DGKI: variants seen among roughly 807,000 people sequenced by gnomAD.
DGKI encodes DAG kinase iota.
In DGKI, 55 loss-of-function variants were observed where a neutral mutation model predicts 147.5. The ratio of observed to expected loss-of-function variants is 0.37; its 90% CI spans 0.30 to 0.47. The LOEUF is 0.47. Ranked by LOEUF, DGKI falls within the 20% of genes least tolerant of loss-of-function variation. The probability of loss-of-function intolerance (pLI) is 1.00; values close to 1 mark genes in which losing one functional copy is unlikely to be tolerated. For synonymous variants in DGKI, 469 were observed against 477.1 expected (o/e 0.98, Z 0.22); for missense variants, 1,007 against 1,323.8 (o/e 0.76, Z 3.71).
At chr7:137,587,960 GA>G (rs1197601166) in intron 12 of DGKI, among the ~76,000 whole-genome samples, 2 of 152,024 alleles carry the variant, frequency 1.3e-5, no homozygotes, top group African/African-American at 4.8e-5. Context: ...TAACTAATTA[GA>G]AAAATTGACC....
At chr7:137,661,794 G>A (rs903933890) in intron 3 of DGKI, among the ~76,000 whole-genome samples, 26 of 152,156 alleles carry the variant, frequency 1.7e-4, no homozygotes, top group African/African-American at 6.3e-4. Flanking sequence ...AGCCCAGGCA[G>A]GACTGTCCTC....
intron 21 of DGKI, among the ~76,000 whole-genome samples, 185 bp downstream of exon 21, chr7:137,521,681 T>C (rs1563066418): frequency 6.6e-6 from 1 of 152,142 alleles, no homozygotes; most frequent in Admixed American, 6.6e-5. Context: ...GCTTTCCTTT[T>C]CCAGTTCCTT....
At chr7:137,757,426 T>A (rs548193795) in intron 1 of DGKI, among the ~76,000 whole-genome samples, 1 of 152,322 alleles carries the variant, frequency 6.6e-6, no homozygotes, top group East Asian at 1.9e-4. Flanking sequence ...TTCTTAACCG[T>A]TGGTGTCAGC....
intron 3 of DGKI, among the ~76,000 whole-genome samples, chr7:137,674,865 T>C (rs1342026461): frequency 1.3e-5 from 2 of 152,148 alleles, no homozygotes; most frequent in African/African-American, 4.8e-5. Context: ...TTCTCTTAAC[T>C]TCTACTTGTG....
chr7:137,677,153 T>C (rs1026842979), intron 3 of DGKI, among the ~76,000 whole-genome samples: 1 of 152,228 alleles, frequency 6.6e-6, no homozygotes, highest in Non-Finnish European at 1.5e-5. Flanking sequence ...AATTATACTT[T>C]AATTAAAAAT....
At chr7:137,603,272 T>C (rs1350348965) in intron 10 of DGKI, among the ~76,000 whole-genome samples, 2 of 152,152 alleles carry the variant, frequency 1.3e-5, no homozygotes, top group East Asian at 1.9e-4. Context: ...TCGGTTCAAA[T>C]AGCTCATCAA....
chr7:137,798,963 T>TA, intron 1 of DGKI, among the ~76,000 whole-genome samples: 1 of 152,218 alleles, frequency 6.6e-6, no homozygotes, highest in African/African-American at 2.4e-5. Flanking sequence ...TGTCCATGAT[T>TA]AAAAACCACT....
At chr7:137,805,029 T>C (rs1797323696) in intron 1 of DGKI, among the ~76,000 whole-genome samples, 1 of 152,224 alleles carries the variant, frequency 6.6e-6, no homozygotes, top group South Asian at 2.1e-4. Context: ...CCTACTTGTT[T>C]ATACATCCCT....
At position 137,486,722 on chromosome 7, in the gene DGKI, G is replaced by T. The variant is rs147229427; in HGVS notation, c.2328+888C>A. 2.8e-3 allele frequency among the ~76,000 whole-genome samples: 429 copies of T among 152,084 alleles called. 3 individuals carry two copies. The highest frequency in any genetic ancestry group is 0.01 in the African/African-American group (420 of 41,494). On this transcript the variant is annotated intron_variant, in intron 22 of 32. Transcript: ENST00000614521. The stretch of plus-strand genomic sequence containing the variant: ...AAGAGAAACAGAATCAAATATTCAG[G>T]GTGAAGTGGTTACAACTCAGAGGGA...
intron 1 of DGKI, among the ~76,000 whole-genome samples, chr7:137,797,171 G>A (rs1234854715): frequency 6.6e-6 from 1 of 152,174 alleles, no homozygotes; most frequent in Non-Finnish European, 1.5e-5. Flanking sequence ...GGTAGAAAGG[G>A]ACTGTCAGCA....
In DGKI at chr7:137,618,151, A is replaced by ATATTTTTTTT; in HGVS notation, c.993+1672_993+1673insAAAAAAAATA. ...ACTATATATATATATATATATATAT[A>ATATTTTTTTT]TTTTTTTTTTTTTACTCTATCATTC... On this transcript the variant is annotated intron_variant, in intron 8 of 32. Transcript: ENST00000614521. Among the ~76,000 whole-genome samples the ATATTTTTTTT allele has an allele frequency of 1.1e-3, 11 of 10,466 alleles. 1 individual carries two copies. Among genetic ancestry groups the ATATTTTTTTT allele is most frequent in the Non-Finnish European group, 1.8e-3 (3 of 1,648 alleles). 6.9% of individuals were successfully genotyped at this position (10,466 alleles called of 152,430 possible). A position where few individuals can be genotyped will look rare whatever the true frequency, so the allele number is the denominator to read the frequency against.
At chr7:137,402,067 C>T (rs541089394) in intron 30 of DGKI, among the ~76,000 whole-genome samples, 16 of 152,100 alleles carry the variant, frequency 1.1e-4, no homozygotes, top group African/African-American at 2.2e-4. Flanking sequence ...ACCTGTCAAA[C>T]GGAGATGAGA....
chr7:137,538,375 C>T (rs779592433), intron 20 of DGKI, among the ~76,000 whole-genome samples: 1 of 152,158 alleles, frequency 6.6e-6, no homozygotes, highest in Admixed American at 6.5e-5. Flanking sequence ...CTTCATTTAT[C>T]ACAAGGAATT....
At position 137,466,000 on chromosome 7, in the gene DGKI, A is replaced by G. The variant is rs768894127; in HGVS notation, c.2520T>C (p.Asp840=). ...HLHFVMEISQ[D]EIFILDPDMV... ...TATCTGGGTCCAGAATAAAAATCTC[A>G]TCTTGGGAAATCTCCATCACAAAGT... Residue 840 remains aspartate (D), a synonymous_variant, in exon 26 of 33, where the codon GAT becomes GAC. Coordinates refer to ENST00000614521, the MANE Select transcript of DGKI (RefSeq NM_001321708.2). The G allele has an allele frequency of 2.7e-5, 43 of 1,608,172 alleles. No individual in the cohort carries two copies. Among genetic ancestry groups the G allele is most frequent in the Admixed American group, 6.7e-5 (4 of 59,930 alleles).
At chr7:137,657,117 T>C (rs1488637639) in intron 3 of DGKI, among the ~76,000 whole-genome samples, 3 of 152,188 alleles carry the variant, frequency 2.0e-5, no homozygotes. Context: ...AAGTTCAGCT[T>C]TTACGCCCAG....
rs1811198344 is a variant in DGKI at position 137,387,113 on chromosome 7, C to T, written c.*4107G>A. On this transcript the variant is annotated 3_prime_UTR_variant, in exon 33 of 33. Coordinates refer to ENST00000614521, the MANE Select transcript of DGKI (RefSeq NM_001321708.2). ...TGAAGTTACACCTTCCCGGAAGTAG[C>T]CTGCCCTAATTAAATATCACTAGGC... 6.6e-6 allele frequency: 1 copy of T among 152,092 alleles called. No individual in the cohort carries two copies. The highest frequency in any genetic ancestry group is 2.4e-5 in the African/African-American group (1 of 41,420). The allele number at this position is 152,092 out of a possible 1,614,324, so 9.4% of individuals were successfully genotyped here.
chr7:137,499,362 C>G (rs558500106), intron 21 of DGKI, among the ~76,000 whole-genome samples: 1 of 152,194 alleles, frequency 6.6e-6, no homozygotes, highest in South Asian at 2.1e-4. Flanking sequence ...GTCAACTTGA[C>G]TTGGCTAAGG....
intron 20 of DGKI, among the ~76,000 whole-genome samples, chr7:137,522,823 C>T (rs1817009813): frequency 6.6e-6 from 1 of 152,110 alleles, no homozygotes; most frequent in East Asian, 1.9e-4. Flanking sequence ...TGGGTCAATA[C>T]ATTTCTTCAA....
At chr7:137,722,807 T>C (rs191454190) in intron 1 of DGKI, 3 of 1,291,424 alleles carry the variant, frequency 2.3e-6, no homozygotes, top group African/African-American at 2.9e-5. Context: ...CTGTGATCTG[T>C]GGTTGCCCTG....
Sources: gnomAD v4.1 joint callset for allele counts (sites outside exome capture counted in the v4.1 genomes callset) on GRCh38, gnomAD v4.1.1 for gene constraint, MANE v1.5 for transcripts, NCBI Gene and HGNC (gene_info 2026-07-23, HGNC 2026-07-21) for gene names.